Variants in DOCK6 observed in about 807,000 individuals in gnomAD.
The protein encoded by DOCK6 is dedicator of cytokinesis protein 6.
In DOCK6, 167 loss-of-function variants were observed where a neutral mutation model predicts 230.3. The observed-to-expected ratio is 0.73, with a 90% CI of 0.64 to 0.82. DOCK6 has a LOEUF of 0.82. Among genes scored for constraint, DOCK6 ranks in the 40% least tolerant of loss-of-function variants. DOCK6 has a pLI of 0.00. For missense variants in DOCK6, 2,598 were observed against 2,825.8 expected, an observed-to-expected ratio of 0.92 and a Z score of 1.83; for synonymous variants, 1,148 against 1,185.0, an observed-to-expected ratio of 0.97 and a Z score of 0.64.
At chr19:11,247,366 T>C (rs906917044) in intron 7 of DOCK6, 1 of 152,256 alleles carries the variant, frequency 6.6e-6, no homozygotes, top group African/African-American at 2.4e-5. Flanking sequence ...AGTATTAGGA[T>C]TACAGGTGGG....
rs1394507560 is a variant in DOCK6 at position 11,200,397 on chromosome 19, C to T, written c.6012G>A (p.Glu2004=). The T allele has an allele frequency of 5.0e-6, 8 of 1,607,964 alleles. No homozygotes were observed. In the East Asian group the frequency reaches 1.3e-4, roughly 27 times the overall value. ...PDQKEYHREL[E]RNYCRLREAL... is the part of the protein sequence containing the mutation. ...CCTCCCGCAGGCGGCAGTAGTTGCG[C>T]TCCAGCTCACGGTGGTACTCCTTCT... The change falls in exon 47 of 48, where the codon GAG becomes GAA. Residue 2004 remains glutamate, a synonymous_variant. Transcript: ENST00000294618. This position sits in a 1 kb window ranked among gnomAD's most constrained non-coding sequence, Gnocchi z 4.3.
intron 1 of DOCK6, among the ~76,000 whole-genome samples, chr19:11,259,560 T>TC (rs202100496): frequency 3.7e-4 from 49 of 130,764 alleles, no homozygotes; most frequent in East Asian, 6.6e-4. Context: ...TCTTTTCTTT[T>TC]TTTTTTTTTT....
intron 28 of DOCK6, 75 bp downstream of exon 28, chr19:11,221,776 C>T: frequency 1.2e-6 from 2 of 1,606,644 alleles, no homozygotes; most frequent in Middle Eastern, 3.3e-4. Flanking sequence ...CTGTGTTCTC[C>T]CACCTTTACT....
intron 24 of DOCK6, among the ~76,000 whole-genome samples, chr19:11,225,522 C>A (rs1013333745): frequency 6.7e-6 from 1 of 150,256 alleles, no homozygotes; most frequent in Admixed American, 6.6e-5. Context: ...CCCATCTCTA[C>A]ACACACACAC....
chr19:11,257,118 C>CT (rs2080209513), intron 1 of DOCK6, among the ~76,000 whole-genome samples: 1 of 151,434 alleles, frequency 6.6e-6, no homozygotes, highest in Admixed American at 6.6e-5. Flanking sequence ...TCCTGAGTAG[C>CT]TGGGACAACT....
chr19:11,241,502 C>T (rs1292798770), intron 14 of DOCK6: 3 of 1,552,890 alleles, frequency 1.9e-6, no homozygotes, highest in Non-Finnish European at 2.6e-6. Context: ...CGTGCAGCGG[C>T]AGAGGCGGGA....
intron 22 of DOCK6, among the ~76,000 whole-genome samples, chr19:11,231,200 G>C (rs899683485): frequency 6.6e-6 from 1 of 152,194 alleles, no homozygotes; most frequent in African/African-American, 2.4e-5. Context: ...GTGTAAGGAA[G>C]CAAGCCCTGT....
intron 30 of DOCK6, 88 bp downstream of exon 30, chr19:11,216,826 C>T: frequency 3.7e-6 from 5 of 1,361,400 alleles, no homozygotes; most frequent in Admixed American, 3.4e-5. Context: ...AGACAGTCCA[C>T]CCCTTCCCAC....
intron 28 of DOCK6, among the ~76,000 whole-genome samples, chr19:11,218,691 G>A (rs1015501867): frequency 4.6e-5 from 7 of 151,754 alleles, no homozygotes; most frequent in African/African-American, 9.7e-5. Flanking sequence ...CAAGTGATCC[G>A]CCCACCTTGG....
At position 11,200,211 on chromosome 19, in the gene DOCK6, G is replaced by T; in HGVS notation, c.6101+97C>A. On this transcript the variant is annotated intron_variant, in intron 47 of 47. Coordinates refer to ENST00000294618, the MANE Select transcript of DOCK6 (RefSeq NM_020812.4). This position sits in a 1 kb window ranked among gnomAD's most constrained non-coding sequence, Gnocchi z 4.3. ...AGTCCAAGCTACCAGCAAACATGTT[G>T]CTGTGTATGTGTACAACAGCCCCCA... 4 of 1,238,214 alleles carry T rather than the reference G, an allele frequency of 3.2e-6. No individual in the cohort carries two copies. Among genetic ancestry groups the T allele is most frequent in the Non-Finnish European group, 2.2e-6 (2 of 914,242 alleles). The allele number at this position is 1,238,214 out of a possible 1,614,324, so 76.7% of individuals were successfully genotyped here.
chr19:11,247,799 A>G (rs1245177318), intron 7 of DOCK6: 1 of 378,418 alleles, frequency 2.6e-6, no homozygotes, highest in East Asian at 4.9e-5. Flanking sequence ...ACCTGTGCCC[A>G]CTTCATGAGG....
Position 11,222,859 on chromosome 19 carries a change from G to A in DOCK6, c.3116C>T (p.Thr1039Ile). 1 of 1,605,062 alleles carries A rather than the reference G, an allele frequency of 6.2e-7. No individual in the cohort carries two copies. The highest frequency in any genetic ancestry group is 8.5e-7 in the Non-Finnish European group (1 of 1,176,086). ...GATGCGGGTGAATTCCATGCGCAGG[G>A]TCAGCAGGGCTGCTGGATTAGGGGA... The part of the protein sequence containing the change: ...QSSPNPAALL[T>I]LRMEFTRILC... The change falls in exon 26 of 48, where the codon ACC becomes ATC. Residue 1039 changes from threonine (T) to isoleucine (I), a missense_variant. Transcript: ENST00000294618. The surrounding 1 kb of genome is among the most constrained non-coding windows in gnomAD (Gnocchi z 4.0).
chr19:11,223,388 C>T (rs955374266), intron 24 of DOCK6, among the ~76,000 whole-genome samples: 5 of 152,150 alleles, frequency 3.3e-5, no homozygotes, highest in African/African-American at 1.2e-4. Context: ...TATTTCCCAG[C>T]CTCCCTTCCA....
chr19:11,227,223 A>C, intron 24 of DOCK6, 114 bp downstream of exon 24: 1 of 1,411,672 alleles, frequency 7.1e-7, no homozygotes, highest in Non-Finnish European at 9.7e-7. Flanking sequence ...CACCCAGCAA[A>C]GTGGATTCCT....
At chr19:11,245,979 C>CCT in intron 7 of DOCK6, 101 bp from the exon 8 acceptor site, 1 of 1,359,250 alleles carries the variant, frequency 7.4e-7, no homozygotes, top group Non-Finnish European at 1.0e-6. Flanking sequence ...CTGACTCCCA[C>CCT]TGGGCCACAT....
At chr19:11,213,135 C>T (rs746555233) in intron 35 of DOCK6, 41 bp downstream of exon 35, 20 of 1,592,458 alleles carry the variant, frequency 1.3e-5, no homozygotes, top group Non-Finnish European at 1.7e-5. Flanking sequence ...GCCACCCTGA[C>T]CAGAGCCATG....
At chr19:11,225,868 TAAAAAAAAAAAAAAA>T (rs745740690) in intron 24 of DOCK6, among the ~76,000 whole-genome samples, 2 of 71,016 alleles carry the variant, frequency 2.8e-5, no homozygotes, top group African/African-American at 1.1e-4. Context: ...CTGACTCTAC[TAAAAAAAAAAAAAAA>T]AAAAAAAAAA....
chr19:11,237,915 C>T, intron 16 of DOCK6, 130 bp downstream of exon 16: 1 of 1,404,580 alleles, frequency 7.1e-7, no homozygotes, highest in South Asian at 1.3e-5. Flanking sequence ...CTCATTAGCA[C>T]TCTGGGAGCC....
At chr19:11,253,929 G>C in intron 1 of DOCK6, 1 of 478,212 alleles carries the variant, frequency 2.1e-6, no homozygotes, top group Non-Finnish European at 3.6e-6. Flanking sequence ...CAGGAGATGA[G>C]AATGCTGCCA....
Sources: gnomAD v4.1 joint callset for allele counts (sites outside exome capture counted in the v4.1 genomes callset) on GRCh38, gnomAD v4.1.1 for gene constraint, Gnocchi (gnomAD v3.1) non-coding constraint, MANE v1.5 for transcripts, NCBI Gene and HGNC (gene_info 2026-07-23, HGNC 2026-07-21) for gene names.